Variants in MACO1 observed in about 807,000 individuals in gnomAD.
The protein encoded by MACO1 is macoilin.
In MACO1, 14 loss-of-function variants were observed where a neutral mutation model predicts 78.7. The observed-to-expected ratio is 0.18, with a 90% CI of 0.12 to 0.28. The LOEUF is 0.28. Ranked by LOEUF, MACO1 falls within the 10% of genes least tolerant of loss-of-function variation. The pLI is 1.00. For missense variants in MACO1, 501 were observed against 799.0 expected, an observed-to-expected ratio of 0.63 and a Z score of 4.50; for synonymous variants, 288 against 291.6, an observed-to-expected ratio of 0.99 and a Z score of 0.12.
At chr1:25,470,363 A>G (rs1483397458) in intron 6 of MACO1, among the ~76,000 whole-genome samples, 1 of 152,232 alleles carries the variant, frequency 6.6e-6, no homozygotes. Flanking sequence ...CAGAAGGTGG[A>G]GAAGAAGATT....
intron 3 of MACO1, among the ~76,000 whole-genome samples, chr1:25,451,374 A>G (rs2043064627): frequency 6.6e-6 from 1 of 152,200 alleles, no homozygotes; most frequent in Admixed American, 6.5e-5. Flanking sequence ...TACGTACAAT[A>G]TGATTATTAT....
intron 9 of MACO1, among the ~76,000 whole-genome samples, chr1:25,490,394 T>G (rs74063419): frequency 0.014 from 2,102 of 152,264 alleles, 42 homozygotes; most frequent in African/African-American, 0.047. Flanking sequence ...GACATGCAGA[T>G]TAAAAGTAGA....
intron 6 of MACO1, among the ~76,000 whole-genome samples, chr1:25,465,435 T>C (rs1193295144): frequency 6.6e-6 from 1 of 152,234 alleles, no homozygotes; most frequent in Admixed American, 6.5e-5. Flanking sequence ...GGAGTTCCTG[T>C]AAATCCTGGC....
intron 1 of MACO1, among the ~76,000 whole-genome samples, chr1:25,434,362 TA>T (rs1459559381): frequency 2.0e-5 from 3 of 152,170 alleles, no homozygotes; most frequent in Non-Finnish European, 4.4e-5. Flanking sequence ...GTTGAGTGAG[TA>T]AATTAATAAA....
chr1:25,431,534 G>C (rs1018391951), intron 1 of MACO1, among the ~76,000 whole-genome samples: 1 of 151,924 alleles, frequency 6.6e-6, no homozygotes, highest in African/African-American at 2.4e-5. Context: ...GCCGCTTCCG[G>C]GACCTCTGAC....
In MACO1 at chr1:25,498,967, A is replaced by C. The variant is rs953617183; in HGVS notation, c.*501A>C. 1.3e-5 allele frequency: 2 copies of C among 152,704 alleles called. No homozygotes were observed. Among genetic ancestry groups the C allele is most frequent in the African/African-American group, 4.8e-5 (2 of 41,466 alleles). The allele number at this position is 152,704 out of a possible 1,614,324, so 9.5% of individuals were successfully genotyped here. ...TGCATTAAAGAAGGTGATTGTCAAT[A>C]TTACAGAAAACAAAAATGGATTGCC... On this transcript the variant is annotated 3_prime_UTR_variant, in exon 11 of 11. Transcript: ENST00000374343.
chr1:25,432,996 A>C (rs1488542901), intron 1 of MACO1, among the ~76,000 whole-genome samples: 1 of 152,194 alleles, frequency 6.6e-6, no homozygotes, highest in Non-Finnish European at 1.5e-5. Flanking sequence ...GGCTTTTGAA[A>C]TTTGAATTTT....
rs936815459 is a variant in MACO1, at chr1:25,499,445, TTTTTTTTTGTTTTG to T, written c.*986_*999del. The T allele has an allele frequency of 6.6e-6, 1 of 151,914 alleles. No homozygotes were observed. Among genetic ancestry groups the T allele is most frequent in the Non-Finnish European group, 1.5e-5 (1 of 67,974 alleles). 9.4% of individuals were successfully genotyped at this position (151,914 alleles called of 1,614,324 possible). A position where few individuals can be genotyped will look rare whatever the true frequency, so the allele number is the denominator to read the frequency against. ...AATAAAAGCTGCGGGTCTAGGTTTT[TTTTTTTTTGTTTTG>T]TTTTTTCATTTCATTTAACTGTGCT... On this transcript the variant is annotated 3_prime_UTR_variant, in exon 11 of 11. Transcript: ENST00000374343.
intron 6 of MACO1, among the ~76,000 whole-genome samples, chr1:25,467,565 T>G (rs906899538): frequency 1.3e-5 from 2 of 152,214 alleles, no homozygotes; most frequent in Non-Finnish European, 1.5e-5. Flanking sequence ...CTGCCTTTTT[T>G]GTTAAGACAG....
Position 25,431,016 on chromosome 1 carries a change from C to A in MACO1, c.-83C>A. The A allele has an allele frequency of 8.1e-7, 1 of 1,235,100 alleles. No homozygotes were observed. Among genetic ancestry groups the A allele is most frequent in the Non-Finnish European group, 1.1e-6 (1 of 901,902 alleles). The allele number at this position is 1,235,100 out of a possible 1,614,324, so 76.5% of individuals were successfully genotyped here. A position where few individuals can be genotyped will look rare whatever the true frequency, so the allele number is the denominator to read the frequency against. ...CGGCCTCAGGGGTAGAGTCCAGGCC[C>A]GACGCGGGGCGGGCCAGCGGCGGCG... On this transcript the variant is annotated 5_prime_UTR_variant, in exon 1 of 11. Transcript: ENST00000374343.
At chr1:25,457,285 A>C (rs79028390) in intron 5 of MACO1, among the ~76,000 whole-genome samples, 3,045 of 151,526 alleles carry the variant, frequency 0.02, 107 homozygotes, top group African/African-American at 0.069. Context: ...TTTTTTAATT[A>C]TTTTTTTGTA....
rs1424749653 is a variant in MACO1, at chr1:25,485,733, A to G, written c.1434A>G (p.Lys478=). The G allele has an allele frequency of 4.3e-6, 7 of 1,614,144 alleles. No individual in the cohort carries two copies. Among genetic ancestry groups the G allele is most frequent in the Non-Finnish European group, 5.9e-6 (7 of 1,180,014 alleles). The part of the protein sequence containing the change: ...SFVEKQLMEE[K]KRKKLEEATA... ...TAGAGAAACAGTTAATGGAAGAGAA[A>G]AAGAGGAAGAAGTTAGAAGAAGCCA... Residue 478 remains lysine (K), a synonymous_variant, in exon 8 of 11, where the codon AAA becomes AAG. Transcript: ENST00000374343. This position sits in a 1 kb window ranked among gnomAD's most constrained non-coding sequence, Gnocchi z 4.3.
At chr1:25,490,456 A>G (rs959911424) in intron 9 of MACO1, among the ~76,000 whole-genome samples, 4 of 152,200 alleles carry the variant, frequency 2.6e-5, no homozygotes, top group Admixed American at 1.3e-4. Context: ...GAGAATATCA[A>G]TCATGGTGAG....
chr1:25,496,353 GC>G (rs1385501573), intron 10 of MACO1, among the ~76,000 whole-genome samples: 1 of 151,996 alleles, frequency 6.6e-6, no homozygotes, highest in Non-Finnish European at 1.5e-5. Flanking sequence ...TTGTCATGTT[GC>G]CCGGGCTGGT....
chr1:25,494,418 G>T (rs920793275), intron 10 of MACO1, among the ~76,000 whole-genome samples: 7 of 152,200 alleles, frequency 4.6e-5, no homozygotes, highest in African/African-American at 1.7e-4. Flanking sequence ...GGATGTTCAG[G>T]TGAGCAGTCC....
chr1:25,450,563 A>T (rs1002903842), intron 3 of MACO1, among the ~76,000 whole-genome samples: 2 of 152,218 alleles, frequency 1.3e-5, no homozygotes, highest in African/African-American at 4.8e-5. Context: ...GTCTGGACCA[A>T]TATTCATCCT....
intron 6 of MACO1, among the ~76,000 whole-genome samples, chr1:25,469,018 T>C (rs1444476579): frequency 6.6e-6 from 1 of 152,044 alleles, no homozygotes; most frequent in African/African-American, 2.4e-5. Flanking sequence ...TTTTTTATTT[T>C]TTTTAGTAGA....
intron 6 of MACO1, among the ~76,000 whole-genome samples, chr1:25,467,257 C>A (rs1571973297): frequency 6.7e-6 from 1 of 150,332 alleles, no homozygotes; most frequent in Non-Finnish European, 1.5e-5. Context: ...GGCTCTTTCT[C>A]AAAAAAAAAT....
chr1:25,447,087 A>G (rs1156405133), intron 2 of MACO1, among the ~76,000 whole-genome samples, 184 bp downstream of exon 2: 2 of 152,158 alleles, frequency 1.3e-5, no homozygotes, highest in Non-Finnish European at 2.9e-5. Context: ...CTCCTCTCCC[A>G]TTCCAGTGAA....
Sources: allele counts gnomAD v4.1 joint callset (sites outside exome capture counted in the v4.1 genomes callset), GRCh38; gene constraint gnomAD v4.1.1; non-coding constraint Gnocchi (gnomAD v3.1); transcripts MANE v1.5; gene names NCBI Gene and HGNC (gene_info 2026-07-23, HGNC 2026-07-21).